SOX6: variants seen among roughly 807,000 people sequenced by gnomAD.
The protein encoded by SOX6 is transcription factor SOX-6.
A neutral mutation model predicts 97.8 loss-of-function variants in SOX6; 11 were observed. That is an observed-to-expected ratio of 0.11 (90% CI 0.07 to 0.19). SOX6 has a LOEUF of 0.19. Ranked by LOEUF, SOX6 falls within the 10% of genes least tolerant of loss-of-function variation. The pLI is 1.00. For missense variants in SOX6, 810 were observed against 1,039.5 expected, an observed-to-expected ratio of 0.78 and a Z score of 3.04; for synonymous variants, 360 against 371.4, an observed-to-expected ratio of 0.97 and a Z score of 0.35.
chr11:16,018,904 A>T (rs1425577521), intron 12 of SOX6, among the ~76,000 whole-genome samples: 1 of 152,160 alleles, frequency 6.6e-6, no homozygotes, highest in Admixed American at 6.6e-5. Flanking sequence ...GCAGGAAGAC[A>T]TTCCATATAG....
At position 15,970,635 on chromosome 11, in the gene SOX6, G is replaced by A. The variant is rs1246082649; in HGVS notation, c.*2174C>T. On this transcript the variant is annotated 3_prime_UTR_variant, in exon 16 of 16. Coordinates refer to ENST00000683767, the MANE Select transcript of SOX6 (RefSeq NM_001367873.1). ...CAAATTTCTAATCCCCAACCAACAT[G>A]AATAACAAAGAGTTCCTATCAGTAC... is the stretch of plus-strand genomic sequence containing the variant. The A allele has an allele frequency of 6.6e-6, 1 of 152,576 alleles. No homozygotes were observed. Among genetic ancestry groups the A allele is most frequent in the Non-Finnish European group, 1.5e-5 (1 of 68,030 alleles). 9.5% of individuals were successfully genotyped at this position (152,576 alleles called of 1,614,324 possible). A position where few individuals can be genotyped will look rare whatever the true frequency, so the allele number is the denominator to read the frequency against.
At position 15,972,835 on chromosome 11, in the gene SOX6, C is replaced by T; in HGVS notation, c.2461G>A (p.Ala821Thr). 1 of 1,614,206 alleles carries T rather than the reference C, an allele frequency of 6.2e-7. No individual in the cohort carries two copies. The highest frequency in any genetic ancestry group is 2.2e-5 in the East Asian group (1 of 44,882). ...CAGTTGGCACTGACAGCCTCCGGGG[C>T]TTCATTTTCACTGCTATAGTCTGAT... is the stretch of plus-strand genomic sequence containing the variant. ...PKSDYSSENE[A>T]PEAVSAN Residue 821 changes from alanine to threonine, a missense_variant, in exon 16 of 16, where the codon GCC becomes ACC. By Grantham distance (58) the Ala-to-Thr change is moderately conservative. This residue lies in a region of SOX6 where 122 missense variants were observed against 153.4 expected (regional missense o/e 0.80). Transcript: ENST00000683767.
intron 4 of SOX6, among the ~76,000 whole-genome samples, chr11:16,222,440 C>T (rs1337878826): frequency 6.6e-6 from 1 of 152,062 alleles, no homozygotes; most frequent in African/African-American, 2.4e-5. Flanking sequence ...TCTTGAACTC[C>T]TATCTGCAAG....
chr11:16,236,981 G>A (rs11023884), intron 3 of SOX6, among the ~76,000 whole-genome samples: 4,552 of 151,976 alleles, frequency 0.03, 95 homozygotes, highest in South Asian at 0.079. Flanking sequence ...CATTTCAGTA[G>A]AAGAAATTGA....
At chr11:16,160,935 C>T (rs1850732827) in intron 6 of SOX6, among the ~76,000 whole-genome samples, 1 of 152,140 alleles carries the variant, frequency 6.6e-6, no homozygotes, top group South Asian at 2.1e-4. Flanking sequence ...ACCGATGATA[C>T]TAGTTAAATA....
intron 3 of SOX6, among the ~76,000 whole-genome samples, chr11:16,259,380 T>C (rs1182816920): frequency 2.0e-5 from 3 of 152,026 alleles, no homozygotes; most frequent in Admixed American, 6.6e-5. Context: ...TATAAACACA[T>C]TGCAATCCCA....
intron 6 of SOX6, among the ~76,000 whole-genome samples, chr11:16,180,913 C>A (rs1012003831): frequency 4.6e-5 from 7 of 151,748 alleles, no homozygotes; most frequent in Non-Finnish European, 1.0e-4. Context: ...TTTTACAATA[C>A]TATCTTAATC....
intron 4 of SOX6, among the ~76,000 whole-genome samples, chr11:16,550,750 T>C (rs768331889): frequency 6.6e-6 from 1 of 152,204 alleles, no homozygotes; most frequent in East Asian, 1.9e-4. Context: ...GTTCTTACTC[T>C]ATACATTAAG....
At chr11:16,167,017 C>T (rs1850904452) in intron 6 of SOX6, among the ~76,000 whole-genome samples, 1 of 152,190 alleles carries the variant, frequency 6.6e-6, no homozygotes, top group Non-Finnish European at 1.5e-5. Flanking sequence ...CTCAAATGTA[C>T]ATTTTCAGTC....
At chr11:16,437,284 A>AG in intron 1 of SOX6, among the ~76,000 whole-genome samples, 1 of 147,836 alleles carries the variant, frequency 6.8e-6, no homozygotes, top group African/African-American at 2.5e-5. Context: ...TTTTTTTTTA[A>AG]AAAAAAGGTA....
rs144707006 is a variant in SOX6 at position 16,663,582 on chromosome 11, C to T, written n.429+51248G>A. ...AAGAAATCCACCCACCTCAGCCCTG[C>T]TGGGATTACAGGCATGAGCCACCAT... On this transcript the variant is annotated intron_variant and non_coding_transcript_variant, in intron 3 of 5. Coordinates refer to the SOX6 transcript ENST00000524520. Among the ~76,000 whole-genome samples the T allele has an allele frequency of 8.1e-3, 1,230 of 152,308 alleles. 21 individuals carry two copies. The highest frequency in any genetic ancestry group is 0.027 in the African/African-American group (1,117 of 41,560).
intron 7 of SOX6, among the ~76,000 whole-genome samples, chr11:16,109,195 T>C (rs529105791): frequency 2.2e-4 from 34 of 152,196 alleles, no homozygotes; most frequent in Non-Finnish European, 4.4e-4. Context: ...TTTATTTTAT[T>C]TTATTTTATT....
chr11:16,565,598 A>G (rs1847860969), intron 4 of SOX6, among the ~76,000 whole-genome samples: 1 of 152,018 alleles, frequency 6.6e-6, no homozygotes, highest in South Asian at 2.1e-4. Flanking sequence ...TTCTTGACAG[A>G]CAAAAATAAT....
chr11:16,357,444 G>A (rs1002327210), upstream of SOX6, among the ~76,000 whole-genome samples: 1 of 152,028 alleles, frequency 6.6e-6, no homozygotes, highest in Non-Finnish European at 1.5e-5. Context: ...CTATGCGTAC[G>A]GTCGGCAATT....
rs34604334 is a variant in SOX6, at chr11:16,569,868, C to CAAAAAAAAAAAAAAAA, written n.609+42197_609+42212dup. Among the ~76,000 whole-genome samples, 195 of 84,766 alleles carry CAAAAAAAAAAAAAAAA rather than the reference C, an allele frequency of 2.3e-3. 21 individuals are homozygous for CAAAAAAAAAAAAAAAA. Among genetic ancestry groups the CAAAAAAAAAAAAAAAA allele is most frequent in the African/African-American group, 0.011 (173 of 16,078 alleles). The allele number at this position is 84,766 out of a possible 152,430, so 55.6% of individuals were successfully genotyped here. On this transcript the variant is annotated intron_variant and non_coding_transcript_variant, in intron 4 of 5. Transcript: ENST00000524520. Reference sequence around the variant, plus strand: ...TGGGTGACTGATCAAGACTCCGTCTCAAAAAAAAAAAAAAAAAGATATACT... The same window carrying CAAAAAAAAAAAAAAAA: ...TGGGTGACTGATCAAGACTCCGTCTCAAAAAAAAAAAAAAAAAAAAAAAAAAAAAAAAAGATATACT...
chr11:16,075,167 A>G (rs1273146885), intron 9 of SOX6, among the ~76,000 whole-genome samples: 1 of 152,228 alleles, frequency 6.6e-6, no homozygotes, highest in Non-Finnish European at 1.5e-5. Flanking sequence ...TGCTAGAATA[A>G]CTGGCTATCT....
intron 1 of SOX6, among the ~76,000 whole-genome samples, chr11:16,382,564 T>C (rs1268482198): frequency 6.6e-6 from 1 of 152,018 alleles, no homozygotes; most frequent in Non-Finnish European, 1.5e-5. Context: ...AATTCAGCTG[T>C]TGAAAAGAAC....
intron 9 of SOX6, 89 bp from the exon 10 acceptor site, chr11:16,055,990 C>A: frequency 7.2e-7 from 1 of 1,391,666 alleles, no homozygotes; most frequent in South Asian, 1.2e-5. Flanking sequence ...TGTTAGATTT[C>A]TCAGACAGCC....
intron 4 of SOX6, among the ~76,000 whole-genome samples, chr11:16,210,062 G>A (rs531064795): frequency 6.6e-6 from 1 of 152,126 alleles, no homozygotes; most frequent in Admixed American, 6.5e-5. Context: ...TGGTATAGCT[G>A]CTTTGGAATC....
Sources: allele counts gnomAD v4.1 joint callset (sites outside exome capture counted in the v4.1 genomes callset), GRCh38; gene constraint gnomAD v4.1.1; regional missense constraint gnomAD v4.1.1; transcripts MANE v1.5; gene names NCBI Gene and HGNC (gene_info 2026-07-23, HGNC 2026-07-21).